Variants in KLF12 observed in about 807,000 individuals in gnomAD.
KLF12 encodes Krueppel-like factor 12.
KLF12 carries 9 observed loss-of-function variants against 37.8 expected under a neutral mutation model. The observed-to-expected ratio is 0.24, with a 90% CI of 0.14 to 0.42. The LOEUF (loss-of-function observed/expected upper bound fraction) is 0.42, where lower values mean the gene tolerates loss of function less well. Ranked by LOEUF, KLF12 falls within the 10% of genes least tolerant of loss-of-function variation. The pLI, the probability that KLF12 is intolerant of heterozygous loss-of-function variation, is 1.00. For synonymous variants in KLF12, 208 were observed against 202.1 expected, an observed-to-expected ratio of 1.03 and a Z score of -0.25; for missense variants, 411 against 516.0, an observed-to-expected ratio of 0.80 and a Z score of 1.97.
At chr13:73,695,793 C>G (rs573402873) in intron 7 of KLF12, 122 bp from the exon 8 acceptor site, 1 of 938,384 alleles carries the variant, frequency 1.1e-6, no homozygotes, top group East Asian at 2.5e-5. Flanking sequence ...AAATCTTTGT[C>G]GGGAAACCTT....
At chr13:74,005,801 G>A (rs965338914) in intron 1 of KLF12, among the ~76,000 whole-genome samples, 1 of 152,098 alleles carries the variant, frequency 6.6e-6, no homozygotes, top group East Asian at 1.9e-4. Flanking sequence ...CCTTCATCAC[G>A]GACGGTTGCT....
At chr13:73,802,224 C>G (rs944192741) in intron 5 of KLF12, 2 of 151,806 alleles carry the variant, frequency 1.3e-5, no homozygotes, top group Admixed American at 6.6e-5. Flanking sequence ...TTTTAATGAT[C>G]AAGAAGATTC....
At chr13:73,718,090 T>C (rs1461589879) in intron 6 of KLF12, among the ~76,000 whole-genome samples, 2 of 152,228 alleles carry the variant, frequency 1.3e-5, no homozygotes, top group South Asian at 2.1e-4. Context: ...TTTTGTGTAA[T>C]ATTTTCCACA....
intron 2 of KLF12, among the ~76,000 whole-genome samples, chr13:73,990,498 A>G (rs1891938554): frequency 6.6e-6 from 1 of 152,214 alleles, no homozygotes; most frequent in Non-Finnish European, 1.5e-5. Flanking sequence ...GGGAAGTAAT[A>G]ATACTACATA....
intron 1 of KLF12, among the ~76,000 whole-genome samples, chr13:74,015,097 A>T (rs1380955883): frequency 2.6e-5 from 4 of 152,148 alleles, no homozygotes; most frequent in Non-Finnish European, 1.5e-5. Flanking sequence ...TGTAATATAA[A>T]CAGTAGATTA....
Position 73,944,089 on chromosome 13 carries a change from G to C in KLF12, c.34-19C>G, listed in dbSNP as rs779872924. On this transcript the variant is annotated intron_variant, in intron 2 of 7. Transcript: ENST00000377669. The stretch of plus-strand genomic sequence containing the variant: ...TGATATTCTGAGAATAGAAGGGAGA[G>C]AGAAAGATTCAGCTCTAAAGCATTC... 4 of 1,494,944 alleles carry C rather than the reference G, an allele frequency of 2.7e-6. No individual in the cohort carries two copies. The highest frequency in any genetic ancestry group is 1.1e-5 in the South Asian group (1 of 88,710). 92.6% of individuals were successfully genotyped at this position (1,494,944 alleles called of 1,614,324 possible).
At chr13:74,230,862 AT>A in the KLF12 span, among the ~76,000 whole-genome samples, 13 of 152,188 alleles carry the variant, frequency 8.5e-5, no homozygotes, top group African/African-American at 2.4e-4. Context: ...TGGAATTTTC[AT>A]TCTGTTATGA....
the KLF12 span, among the ~76,000 whole-genome samples, chr13:74,180,447 GA>G: frequency 2.0e-5 from 3 of 152,314 alleles, no homozygotes; most frequent in African/African-American, 4.8e-5. Flanking sequence ...TGGCTTTCCT[GA>G]AATGGGGTTG....
intron 3 of KLF12, among the ~76,000 whole-genome samples, chr13:73,862,567 A>G (rs912821583): frequency 6.6e-6 from 1 of 152,156 alleles, no homozygotes; most frequent in Non-Finnish European, 1.5e-5. Context: ...TCTATAAAAC[A>G]TTTGTCTCTT....
intron 1 of KLF12, among the ~76,000 whole-genome samples, chr13:74,042,390 G>A (rs996308815): frequency 4.0e-5 from 6 of 151,856 alleles, no homozygotes; most frequent in Non-Finnish European, 7.4e-5. Context: ...TGCATTCAGC[G>A]TTAAGGACCC....
chr13:74,278,188 G>T, the KLF12 span, among the ~76,000 whole-genome samples: 2 of 152,216 alleles, frequency 1.3e-5, no homozygotes, highest in South Asian at 4.2e-4. Flanking sequence ...AATTTCTGAT[G>T]ATTTCTATTT....
intron 5 of KLF12, among the ~76,000 whole-genome samples, chr13:73,796,888 T>C (rs1882003660): frequency 6.6e-6 from 1 of 152,068 alleles, no homozygotes; most frequent in African/African-American, 2.4e-5. Context: ...TGCAACAACA[T>C]GCAAGAATCT....
At position 74,000,443 on chromosome 13, in the gene KLF12, T is replaced by C. The variant is rs143074369; in HGVS notation, c.-31-5390A>G. On this transcript the variant is annotated intron_variant, in intron 1 of 7. Coordinates refer to ENST00000377669, the MANE Select transcript of KLF12 (RefSeq NM_007249.5). ...GAGGTCAATAATAACCCATATTCAA[T>C]AAAGATCCCCTTGGAATTCTGTTCG... 3.3e-5 allele frequency among the ~76,000 whole-genome samples: 5 copies of C among 152,320 alleles called. No individual in the cohort carries two copies. The East Asian group carries it at 9.6e-4, about 29-fold the overall frequency.
intron 2 of KLF12, among the ~76,000 whole-genome samples, chr13:73,945,989 C>T (rs1890406135): frequency 6.6e-6 from 1 of 152,150 alleles, no homozygotes; most frequent in African/African-American, 2.4e-5. Flanking sequence ...GTGTCACTGG[C>T]TTCCGAGGTT....
chr13:74,168,065 G>T, the KLF12 span, among the ~76,000 whole-genome samples: 1 of 152,120 alleles, frequency 6.6e-6, no homozygotes, highest in African/African-American at 2.4e-5. Context: ...CAAAAACAGC[G>T]TGCATCTTTC....
At chr13:74,140,825 G>A in the KLF12 span, among the ~76,000 whole-genome samples, 9 of 152,222 alleles carry the variant, frequency 5.9e-5, no homozygotes, top group East Asian at 1.5e-3. Context: ...AGGCCAAGGC[G>A]GGCAGATCAC....
intron 1 of KLF12, among the ~76,000 whole-genome samples, chr13:74,043,436 C>A (rs1893461742): frequency 6.6e-6 from 1 of 152,148 alleles, no homozygotes; most frequent in African/African-American, 2.4e-5. Flanking sequence ...ATGTAACAGG[C>A]CCCAGTGGGA....
intron 3 of KLF12, among the ~76,000 whole-genome samples, chr13:73,931,235 G>T (rs1257120330): frequency 6.6e-6 from 1 of 152,126 alleles, no homozygotes; most frequent in Non-Finnish European, 1.5e-5. Context: ...AAATGCAATG[G>T]CAGTTACTTT....
intron 3 of KLF12, among the ~76,000 whole-genome samples, chr13:73,898,758 GAC>G (rs1477815701): frequency 6.6e-6 from 1 of 152,072 alleles, no homozygotes; most frequent in Non-Finnish European, 1.5e-5. Flanking sequence ...TCCTTGACTG[GAC>G]ACACATTTAC....
Sources: allele counts gnomAD v4.1 joint callset (sites outside exome capture counted in the v4.1 genomes callset), GRCh38; gene constraint gnomAD v4.1.1; transcripts MANE v1.5; gene names NCBI Gene and HGNC (gene_info 2026-07-23, HGNC 2026-07-21).